PCDH15: variants seen among roughly 807,000 people sequenced by gnomAD.
PCDH15 encodes the protein protocadherin-15.
A neutral mutation model predicts 178.5 loss-of-function variants in PCDH15; 129 were observed. That is an observed-to-expected ratio of 0.72 (90% confidence interval 0.63 to 0.84). PCDH15 has a LOEUF of 0.84. Ranked by LOEUF, PCDH15 falls within the 40% of genes least tolerant of loss-of-function variation. The pLI is 0.00. For missense variants in PCDH15, 2,230 were observed against 2,099.9 expected, an observed-to-expected ratio of 1.06 and a Z score of -1.21; for synonymous variants, 800 against 732.0, an observed-to-expected ratio of 1.09 and a Z score of -1.50.
At chr10:53,821,704 T>C (rs1047054045) in intron 32 of PCDH15, 34 of 1,451,864 alleles carry the variant, frequency 2.3e-5, no homozygotes, top group Non-Finnish European at 3.0e-5. Context: ...AGTGATGAGG[T>C]TAATATCTTT....
chr10:54,400,555 A>T (rs1951801254), intron 3 of PCDH15, among the ~76,000 whole-genome samples: 3 of 152,078 alleles, frequency 2.0e-5, no homozygotes, highest in Admixed American at 6.6e-5. Context: ...ATTTTGAGTC[A>T]ATATATATTT....
chr10:55,390,815 T>C (rs770180828), intron 2 of PCDH15, among the ~76,000 whole-genome samples: 2 of 152,210 alleles, frequency 1.3e-5, no homozygotes, highest in Non-Finnish European at 2.9e-5. Context: ...AGTAGTAATA[T>C]TTCAAAAGTC....
chr10:55,265,756 A>T (rs1302172377), intron 1 of PCDH15, among the ~76,000 whole-genome samples: 1 of 151,884 alleles, frequency 6.6e-6, no homozygotes, highest in Non-Finnish European at 1.5e-5. Context: ...GGTAAAACAC[A>T]CCTCTCTATC....
chr10:54,509,601 G>A (rs914127856), intron 3 of PCDH15, among the ~76,000 whole-genome samples: 1 of 152,068 alleles, frequency 6.6e-6, no homozygotes, highest in East Asian at 1.9e-4. Context: ...TCTCCTAATC[G>A]ACGTGCCATT....
At chr10:54,917,580 C>T (rs1837374206) in intron 2 of PCDH15, among the ~76,000 whole-genome samples, 1 of 152,138 alleles carries the variant, frequency 6.6e-6, no homozygotes, top group African/African-American at 2.4e-5. Flanking sequence ...ATAGAGCATA[C>T]AACTCAAGTG....
intron 13 of PCDH15, among the ~76,000 whole-genome samples, chr10:54,169,632 C>T (rs1239858126): frequency 6.6e-6 from 1 of 150,940 alleles, no homozygotes; most frequent in African/African-American, 2.4e-5. Flanking sequence ...TCTTGTATCC[C>T]CCCACCTTAA....
At chr10:54,099,702 G>T (rs892637621) in intron 15 of PCDH15, among the ~76,000 whole-genome samples, 1 of 151,456 alleles carries the variant, frequency 6.6e-6, no homozygotes, top group Non-Finnish European at 1.5e-5. Context: ...GCATTAATTT[G>T]ATGCCCATTA....
At chr10:54,857,622 C>CTT (rs527831721) in intron 3 of PCDH15, among the ~76,000 whole-genome samples, 65 of 142,248 alleles carry the variant, frequency 4.6e-4, no homozygotes, top group African/African-American at 1.3e-3. Flanking sequence ...ATTTTTTTTT[C>CTT]TTTTTTTTTT....
intron 3 of PCDH15, among the ~76,000 whole-genome samples, chr10:54,520,468 C>G (rs1013455486): frequency 6.6e-6 from 1 of 152,180 alleles, no homozygotes; most frequent in Non-Finnish European, 1.5e-5. Context: ...AAAAAATGCT[C>G]ATCATCACTG....
chr10:55,004,022 T>C (rs1839863358), intron 2 of PCDH15, among the ~76,000 whole-genome samples: 1 of 151,000 alleles, frequency 6.6e-6, no homozygotes, highest in Admixed American at 6.6e-5. Context: ...TGAAGCTAAC[T>C]TAGGAGAGGT....
At chr10:55,250,695 C>T (rs927971680) in intron 1 of PCDH15, among the ~76,000 whole-genome samples, 1 of 151,588 alleles carries the variant, frequency 6.6e-6, no homozygotes, top group Non-Finnish European at 1.5e-5. Context: ...CGCCACCACA[C>T]CCAGCTATTT....
chr10:53,885,842 G>A (rs1344166646), intron 26 of PCDH15, among the ~76,000 whole-genome samples: 3 of 152,042 alleles, frequency 2.0e-5, no homozygotes, highest in East Asian at 3.9e-4. Flanking sequence ...AACTCATCTG[G>A]TGACTTAATG....
intron 4 of PCDH15, among the ~76,000 whole-genome samples, chr10:54,371,794 T>C (rs1464730778): frequency 1.3e-5 from 2 of 151,930 alleles, no homozygotes; most frequent in Non-Finnish European, 2.9e-5. Context: ...TTCCAAATAC[T>C]TTTCCTCTGC....
intron 1 of PCDH15, among the ~76,000 whole-genome samples, chr10:55,169,382 G>T (rs1018824852): frequency 5.3e-5 from 8 of 152,130 alleles, no homozygotes; most frequent in Non-Finnish European, 1.2e-4. Context: ...TGTTATTCAT[G>T]ATTAATCTCT....
Position 55,414,750 on chromosome 10 carries a change from A to G in PCDH15, c.-156+212875T>C, listed in dbSNP as rs1838432595. 2.0e-5 allele frequency among the ~76,000 whole-genome samples: 3 copies of G among 148,188 alleles called. No homozygotes were observed. The South Asian group carries it at 6.4e-4, about 32-fold the overall frequency. On this transcript the variant is annotated intron_variant, in intron 2 of 5. Coordinates refer to the PCDH15 transcript ENST00000613346. ...TGTGTCCTGTAACTTTACTGAATTC[A>G]TATATTATTTCTAACAAGGGGTGTG...
intron 26 of PCDH15, among the ~76,000 whole-genome samples, chr10:53,877,660 A>G (rs1375404265): frequency 6.6e-6 from 1 of 152,150 alleles, no homozygotes; most frequent in Non-Finnish European, 1.5e-5. Context: ...TCTTCTGACT[A>G]TCATATGTGG....
chr10:55,426,127 T>A (rs1838748171), intron 2 of PCDH15, among the ~76,000 whole-genome samples: 1 of 152,180 alleles, frequency 6.6e-6, no homozygotes, highest in African/African-American at 2.4e-5. Context: ...AAGAACTACT[T>A]CAAAAGCTAT....
rs71463103 is a variant in PCDH15 at position 55,438,202 on chromosome 10, TAC to T, written c.-156+189421_-156+189422del. On this transcript the variant is annotated intron_variant, in intron 2 of 5. Transcript: ENST00000613346. Reference sequence around the variant, plus strand: ...AAACAAAACAAAAAAGAACATGTTATACACACACACACACACACACACAAAAT... The same window carrying T: ...AAACAAAACAAAAAAGAACATGTTATACACACACACACACACACACAAAAT... 1.9e-4 allele frequency among the ~76,000 whole-genome samples: 28 copies of T among 149,626 alleles called. No homozygotes were observed. The South Asian group carries it at 5.1e-3, about 27-fold the overall frequency.
intron 26 of PCDH15, among the ~76,000 whole-genome samples, chr10:53,888,297 T>TAG: frequency 1.4e-5 from 1 of 73,610 alleles, no homozygotes; most frequent in East Asian, 9.3e-4. Context: ...TATACATATA[T>TAG]ATATATATAT....
Sources: gnomAD v4.1 joint callset for allele counts (sites outside exome capture counted in the v4.1 genomes callset) on GRCh38, gnomAD v4.1.1 for gene constraint, MANE v1.5 for transcripts, NCBI Gene and HGNC (gene_info 2026-07-23, HGNC 2026-07-21) for gene names.